Variants in SPMAP2L observed in about 807,000 individuals in gnomAD.
The protein encoded by SPMAP2L is sperm microtubule associated protein 2-like.
the SPMAP2L span, chr4:56,595,225 G>A: frequency 3.2e-5 from 52 of 1,611,742 alleles, no homozygotes; most frequent in Non-Finnish European, 4.1e-5. Context: ...GGGTGCAAGA[G>A]GTTATGTGGG....
chr4:56,577,346 A>G, the SPMAP2L span, among the ~76,000 whole-genome samples: 2 of 152,200 alleles, frequency 1.3e-5, no homozygotes, highest in African/African-American at 4.8e-5. Context: ...ATAGGCACAA[A>G]TAGACTGAAA....
the SPMAP2L span, among the ~76,000 whole-genome samples, chr4:56,606,843 C>T: frequency 6.6e-6 from 1 of 152,084 alleles, no homozygotes; most frequent in Admixed American, 6.6e-5. Flanking sequence ...AGTAATAGTT[C>T]TGACAAATAA....
the SPMAP2L span, chr4:56,593,997 A>T: frequency 6.8e-6 from 11 of 1,610,968 alleles, no homozygotes; most frequent in Admixed American, 8.3e-5. Context: ...TGCTCAGTGA[A>T]GGAGGTCTTG....
chr4:56,578,257 T>A, the SPMAP2L span, among the ~76,000 whole-genome samples: 1 of 152,150 alleles, frequency 6.6e-6, no homozygotes, highest in South Asian at 2.1e-4. Flanking sequence ...AGGAGCAAAG[T>A]TATTATATAC....
chr4:56,607,995 G>GAA, the SPMAP2L span, among the ~76,000 whole-genome samples: 23 of 72,322 alleles, frequency 3.2e-4, no homozygotes, highest in South Asian at 5.0e-3. Flanking sequence ...CCTGTCTCAA[G>GAA]AAAAAAAAAA....
the SPMAP2L span, chr4:56,531,139 C>T: frequency 6.5e-7 from 1 of 1,534,368 alleles, no homozygotes; most frequent in Non-Finnish European, 8.7e-7. Flanking sequence ...CACCAGAGCC[C>T]CGCCACGGCC....
the SPMAP2L span, among the ~76,000 whole-genome samples, chr4:56,611,779 T>A: frequency 6.6e-6 from 1 of 152,078 alleles, no homozygotes; most frequent in Non-Finnish European, 1.5e-5. Context: ...TTGCCCCCAC[T>A]TCTAACTCAG....
At chr4:56,618,193 T>C in the SPMAP2L span, among the ~76,000 whole-genome samples, 2 of 152,150 alleles carry the variant, frequency 1.3e-5, no homozygotes, top group Non-Finnish European at 2.9e-5. Flanking sequence ...TCCACTTTCA[T>C]ATCATTTAAA....
the SPMAP2L span, among the ~76,000 whole-genome samples, chr4:56,565,819 C>T: frequency 2.0e-5 from 3 of 152,112 alleles, no homozygotes; most frequent in Admixed American, 2.0e-4. Flanking sequence ...ATAAGGGATA[C>T]AGTTAACCCC....
chr4:56,556,804 G>A, the SPMAP2L span, among the ~76,000 whole-genome samples: 1 of 152,070 alleles, frequency 6.6e-6, no homozygotes, highest in South Asian at 2.1e-4. Flanking sequence ...GAACCTGGGA[G>A]GTGGCAGTTG....
the SPMAP2L span, among the ~76,000 whole-genome samples, chr4:56,532,100 A>G: frequency 6.6e-6 from 1 of 152,090 alleles, no homozygotes; most frequent in Non-Finnish European, 1.5e-5. Flanking sequence ...TTTCATTTCA[A>G]CTGGTCACTT....
the SPMAP2L span, among the ~76,000 whole-genome samples, chr4:56,538,988 TC>T: frequency 1.4e-4 from 22 of 152,308 alleles, no homozygotes; most frequent in Admixed American, 3.9e-4. Context: ...AATTAGCACA[TC>T]CCCGTGCCTC....
the SPMAP2L span, among the ~76,000 whole-genome samples, chr4:56,564,716 A>C: frequency 6.0e-5 from 9 of 149,886 alleles, no homozygotes; most frequent in African/African-American, 2.0e-4. Context: ...TTTTTATTTT[A>C]TTTGCTTTTC....
the SPMAP2L span, among the ~76,000 whole-genome samples, chr4:56,569,787 A>G: frequency 6.6e-6 from 1 of 151,906 alleles, no homozygotes; most frequent in Admixed American, 6.6e-5. Flanking sequence ...ATAGAGTGAG[A>G]CCCTGTCTCA....
At chr4:56,566,003 A>C in the SPMAP2L span, among the ~76,000 whole-genome samples, 3 of 152,128 alleles carry the variant, frequency 2.0e-5, no homozygotes, top group Non-Finnish European at 4.4e-5. Context: ...TTAAAAGTAC[A>C]TTTGTTATAG....
chr4:56,597,775 T>C, the SPMAP2L span, among the ~76,000 whole-genome samples: 34 of 152,304 alleles, frequency 2.2e-4, no homozygotes, highest in Non-Finnish European at 3.5e-4. Context: ...CCGAAACAAA[T>C]CTGCACCAGT....
At chr4:56,625,118 C>A in the SPMAP2L span, among the ~76,000 whole-genome samples, 3 of 152,144 alleles carry the variant, frequency 2.0e-5, no homozygotes, top group Admixed American at 2.0e-4. Flanking sequence ...GACCTGGAGT[C>A]AAAGGAGATC....
the SPMAP2L span, among the ~76,000 whole-genome samples, chr4:56,534,164 T>G: frequency 6.6e-6 from 1 of 152,154 alleles, no homozygotes; most frequent in Non-Finnish European, 1.5e-5. Context: ...TTCCCCCTTT[T>G]TCCCCCTTCT....
chr4:56,597,506 A>G, the SPMAP2L span, among the ~76,000 whole-genome samples: 1 of 152,148 alleles, frequency 6.6e-6, no homozygotes, highest in Non-Finnish European at 1.5e-5. Flanking sequence ...ACCCTGTTTC[A>G]AGGAAACTGA....
Sources: allele counts gnomAD v4.1 joint callset (sites outside exome capture counted in the v4.1 genomes callset), GRCh38; gene constraint gnomAD v4.1.1; transcripts MANE v1.5; gene names NCBI Gene and HGNC (gene_info 2026-07-23, HGNC 2026-07-21).